The following PXDNL variants were observed in gnomAD, a reference collection of about 807,000 sequenced individuals.
PXDNL encodes probable oxidoreductase PXDNL.
Under a neutral mutation model 150.8 loss-of-function variants are expected in PXDNL, and 145 were observed. The ratio of observed to expected loss-of-function variants is 0.96; its 90% confidence interval spans 0.84 to 1.10. The LOEUF (loss-of-function observed/expected upper bound fraction) is 1.10. Ranked by LOEUF, PXDNL falls within the 50% of genes least tolerant of loss-of-function variation. The pLI is 0.00. For missense variants in PXDNL, 2,087 were observed against 1,873.9 expected (o/e 1.11, Z -2.10); for synonymous variants, 757 against 725.7 (o/e 1.04, Z -0.69).
At chr8:51,362,826 C>T (rs1010337954) in intron 19 of PXDNL, among the ~76,000 whole-genome samples, 4 of 152,148 alleles carry the variant, frequency 2.6e-5, no homozygotes, top group Admixed American at 6.5e-5. Context: ...CTTCTGTGTT[C>T]ATATGTGTAC....
At chr8:51,480,096 C>T (rs1278521691) in intron 6 of PXDNL, among the ~76,000 whole-genome samples, 1 of 152,098 alleles carries the variant, frequency 6.6e-6, no homozygotes, top group Non-Finnish European at 1.5e-5. Context: ...CAAATAGGGG[C>T]CTGGATTTAT....
At chr8:51,641,812 T>C (rs1294651261) in intron 2 of PXDNL, among the ~76,000 whole-genome samples, 1 of 152,094 alleles carries the variant, frequency 6.6e-6, no homozygotes, top group Non-Finnish European at 1.5e-5. Flanking sequence ...TCCTCAGGGA[T>C]CTAGAACTAG....
At chr8:51,771,270 C>T (rs1320307345) in intron 1 of PXDNL, among the ~76,000 whole-genome samples, 2 of 152,078 alleles carry the variant, frequency 1.3e-5, no homozygotes, top group Non-Finnish European at 2.9e-5. Context: ...CCACAGCAGT[C>T]CTATATGACA....
intron 4 of PXDNL, among the ~76,000 whole-genome samples, chr8:51,518,227 A>G (rs1402452477): frequency 2.0e-5 from 3 of 152,210 alleles, no homozygotes; most frequent in Non-Finnish European, 4.4e-5. Flanking sequence ...GACGGATTCC[A>G]ATGCTGAATT....
intron 12 of PXDNL, among the ~76,000 whole-genome samples, chr8:51,443,215 A>AT: frequency 6.6e-6 from 1 of 152,322 alleles, no homozygotes; most frequent in African/African-American, 2.4e-5. Context: ...ATATTTGCAT[A>AT]TAATTATCCA....
intron 17 of PXDNL, among the ~76,000 whole-genome samples, chr8:51,387,738 T>C (rs560396456): frequency 6.6e-6 from 1 of 152,200 alleles, no homozygotes; most frequent in Non-Finnish European, 1.5e-5. Context: ...TAAAAATGTT[T>C]TTGTTGTTTT....
intron 17 of PXDNL, among the ~76,000 whole-genome samples, chr8:51,377,480 C>T (rs1807363112): frequency 6.6e-6 from 1 of 152,184 alleles, no homozygotes; most frequent in Admixed American, 6.5e-5. Context: ...CTAAACGAGG[C>T]CGGAGCCGGC....
At chr8:51,368,175 C>A (rs1806977856) in intron 19 of PXDNL, among the ~76,000 whole-genome samples, 1 of 152,064 alleles carries the variant, frequency 6.6e-6, no homozygotes, top group Non-Finnish European at 1.5e-5. Flanking sequence ...TAACAAAATT[C>A]TTCATCAAAC....
chr8:51,652,263 C>T (rs886719484), intron 2 of PXDNL, among the ~76,000 whole-genome samples: 3 of 152,008 alleles, frequency 2.0e-5, no homozygotes, highest in African/African-American at 7.2e-5. Flanking sequence ...ATTTCTTTTG[C>T]TTTTACAATA....
At chr8:51,496,659 C>G (rs1403294523) in intron 5 of PXDNL, among the ~76,000 whole-genome samples, 1 of 152,064 alleles carries the variant, frequency 6.6e-6, no homozygotes, top group East Asian at 1.9e-4. Flanking sequence ...AAACAGAGAG[C>G]CAAATCATGA....
chr8:51,564,965 T>C (rs912174611), intron 3 of PXDNL, among the ~76,000 whole-genome samples: 1 of 151,932 alleles, frequency 6.6e-6, no homozygotes. Flanking sequence ...CTTCCCAATC[T>C]ATTGTTTCCA....
At chr8:51,458,556 A>C (rs571813701) in intron 8 of PXDNL, among the ~76,000 whole-genome samples, 36 of 152,228 alleles carry the variant, frequency 2.4e-4, no homozygotes, top group Non-Finnish European at 4.6e-4. Context: ...TTCATCACTC[A>C]ATACATATTT....
intron 17 of PXDNL, among the ~76,000 whole-genome samples, chr8:51,404,261 C>T (rs563120298): frequency 6.6e-6 from 1 of 152,244 alleles, no homozygotes; most frequent in Non-Finnish European, 1.5e-5. Context: ...CCACTGTTGG[C>T]TCAGGCAGCC....
At chr8:51,781,252 G>A (rs1055948922) in intron 1 of PXDNL, among the ~76,000 whole-genome samples, 6 of 152,186 alleles carry the variant, frequency 3.9e-5, no homozygotes, top group Non-Finnish European at 7.4e-5. Context: ...AAAAAGCGGA[G>A]AGGAAGCATG....
intron 17 of PXDNL, among the ~76,000 whole-genome samples, chr8:51,384,135 G>GA (rs1807629102): frequency 6.6e-6 from 1 of 152,118 alleles, no homozygotes; most frequent in African/African-American, 2.4e-5. Context: ...AGCTTTTAGA[G>GA]AAAAAATATA....
chr8:51,572,424 T>C lies in PXDNL; in HGVS notation c.309-15513A>G, dbSNP rs60766183. Among the ~76,000 whole-genome samples the C allele has an allele frequency of 1.8e-3, 270 of 152,012 alleles. 1 individual carries two copies. Among genetic ancestry groups the C allele is most frequent in the African/African-American group, 5.9e-3 (247 of 41,536 alleles). On this transcript the variant is annotated intron_variant, in intron 3 of 22. Coordinates refer to ENST00000356297, the MANE Select transcript of PXDNL (RefSeq NM_144651.5). Reference sequence around the variant, plus strand: ...TGATACTTGTTGCAACATGGATGAATCTTAAGAACATTACCCTGAATGAAA... The same window carrying C: ...TGATACTTGTTGCAACATGGATGAACCTTAAGAACATTACCCTGAATGAAA...
intron 5 of PXDNL, among the ~76,000 whole-genome samples, chr8:51,492,400 G>A (rs1024366511): frequency 1.7e-4 from 26 of 152,054 alleles, no homozygotes; most frequent in South Asian, 2.1e-4. Flanking sequence ...CTGAGGTACC[G>A]GGTTCATCTC....
At chr8:51,407,982 C>A in intron 17 of PXDNL, 85 bp downstream of exon 17, 1 of 1,260,938 alleles carries the variant, frequency 7.9e-7, no homozygotes, top group Non-Finnish European at 1.1e-6. Context: ...CCCCAGGGAA[C>A]CAAATTCCAG....
chr8:51,372,044 G>C lies in PXDNL; in HGVS notation c.3730C>G (p.Gln1244Glu), dbSNP rs375522430. The C allele has an allele frequency of 1.9e-4, 300 of 1,606,276 alleles. 2 individuals are homozygous for C. Among genetic ancestry groups the C allele is most frequent in the Non-Finnish European group, 2.2e-4 (253 of 1,176,232 alleles). The change falls in exon 19 of 23, where the codon CAA (glutamine) becomes GAA (glutamate). Residue 1244 changes from glutamine (Q) to glutamate (E), a missense_variant. Coordinates refer to ENST00000356297, the MANE Select transcript of PXDNL (RefSeq NM_144651.5). ...GACGCCTGCTTCAGCTGAGTGAGTT[G>C]TGCCGGGGTAAATACTCCAGGGTTT... ...YENPGVFTPA[Q>E]LTQLKQASLS...
Sources: allele counts gnomAD v4.1 joint callset (sites outside exome capture counted in the v4.1 genomes callset), GRCh38; gene constraint gnomAD v4.1.1; transcripts MANE v1.5; gene names NCBI Gene and HGNC (gene_info 2026-07-23, HGNC 2026-07-21).